Variants in SYNE1 observed in about 807,000 individuals in gnomAD.
The protein encoded by SYNE1 is nesprin-1.
A neutral mutation model predicts 1,111.0 loss-of-function variants in SYNE1; 616 were observed. The observed-to-expected ratio is 0.55, with a 90% CI of 0.52 to 0.59. The LOEUF (loss-of-function observed/expected upper bound fraction) is 0.59. SYNE1 is among the 20% of genes least tolerant of loss of function. The probability of loss-of-function intolerance (pLI) is 0.00; values close to 1 mark genes in which losing one functional copy is unlikely to be tolerated. For synonymous variants in SYNE1, 3,855 were observed against 3,825.8 expected, an observed-to-expected ratio of 1.01 and a Z score of -0.28; for missense variants, 10,006 against 10,417.0, an observed-to-expected ratio of 0.96 and a Z score of 1.72.
chr6:152,306,408 C>T (rs1737432387), intron 91 of SYNE1, among the ~76,000 whole-genome samples: 1 of 152,018 alleles, frequency 6.6e-6, no homozygotes, highest in South Asian at 2.1e-4. Flanking sequence ...ATCGCCTGAA[C>T]CCAGGAGGTG....
intron 32 of SYNE1, among the ~76,000 whole-genome samples, chr6:152,439,577 T>A (rs2098509028): frequency 6.6e-6 from 1 of 152,176 alleles, no homozygotes; most frequent in Non-Finnish European, 1.5e-5. Context: ...AAATGACTGA[T>A]GAATATCGTA....
At chr6:152,528,633 C>A (rs1346045556) in intron 4 of SYNE1, among the ~76,000 whole-genome samples, 1 of 152,170 alleles carries the variant, frequency 6.6e-6, no homozygotes, top group African/African-American at 2.4e-5. Flanking sequence ...GTTAGAGATG[C>A]AGATAATTTA....
chr6:152,458,717 T>A (rs1315186207), intron 22 of SYNE1, 40 bp downstream of exon 22: 2 of 1,605,810 alleles, frequency 1.2e-6, no homozygotes, highest in African/African-American at 2.7e-5. Flanking sequence ...TTGTTACACA[T>A]GCTTTAGAAT....
At chr6:152,623,443 C>T (rs2099679757) in intron 3 of SYNE1, among the ~76,000 whole-genome samples, 1 of 152,074 alleles carries the variant, frequency 6.6e-6, no homozygotes, top group African/African-American at 2.4e-5. Flanking sequence ...TGGGCAATAC[C>T]ATTCATGACA....
chr6:152,248,068 G>C (rs1264088746), intron 105 of SYNE1, among the ~76,000 whole-genome samples: 2 of 152,088 alleles, frequency 1.3e-5, no homozygotes, highest in Non-Finnish European at 2.9e-5. Flanking sequence ...CATCATGCCA[G>C]TTTGGGTTCT....
chr6:152,450,688 G>A lies in SYNE1; in HGVS notation c.3332C>T (p.Ala1111Val), dbSNP rs150561907. 3 of 1,613,986 alleles carry A rather than the reference G, an allele frequency of 1.9e-6. No homozygotes were observed. Among genetic ancestry groups the A allele is most frequent in the East Asian group, 2.2e-5 (1 of 44,880 alleles). ...CHVTLKELRA[A>V]IDSTYRKLME... is the part of the protein sequence containing the mutation. ...GAGCTTCCTGTAGGTGCTGTCAATG[G>A]CAGCTCTGAGCTCTTTGAGAGTCAC... Residue 1111 changes from alanine (A) to valine (V), a missense_variant, in exon 27 of 146, where the codon GCC (alanine) becomes GTC (valine). Physicochemically the swap from Ala to Val is moderately conservative, Grantham distance 64. Transcript: ENST00000367255.
chr6:152,412,893 C>T (rs560440890), intron 42 of SYNE1, among the ~76,000 whole-genome samples: 1 of 136,456 alleles, frequency 7.3e-6, no homozygotes, highest in Admixed American at 8.0e-5. Context: ...GCTCTGTCTT[C>T]CAGCCTGGAA....
chr6:152,547,479 G>A (rs985448385), intron 3 of SYNE1, among the ~76,000 whole-genome samples: 6 of 152,216 alleles, frequency 3.9e-5, no homozygotes, highest in African/African-American at 1.2e-4. Flanking sequence ...TTTCCTTGCA[G>A]AATGCTGAAA....
At chr6:152,426,056 A>G (rs1187053972) in intron 38 of SYNE1, among the ~76,000 whole-genome samples, 1 of 152,182 alleles carries the variant, frequency 6.6e-6, no homozygotes, top group Non-Finnish European at 1.5e-5. Flanking sequence ...AGGGCTCTTC[A>G]TTTTACTTTT....
chr6:152,237,206 C>T (rs2084338151), intron 108 of SYNE1, among the ~76,000 whole-genome samples: 1 of 152,018 alleles, frequency 6.6e-6, no homozygotes, highest in Non-Finnish European at 1.5e-5. Context: ...AACTCTGTAC[C>T]TCTTTTCCAT....
chr6:152,373,273 A>AT (rs2097219493), intron 58 of SYNE1, 54 bp from the exon 59 acceptor site: 4 of 1,504,970 alleles, frequency 2.7e-6, no homozygotes, highest in African/African-American at 2.9e-5. Context: ...TGTTGTTTCT[A>AT]TTTTTTCTTT....
At chr6:152,244,764 C>G in intron 105 of SYNE1, 108 bp from the exon 106 acceptor site, 1 of 1,364,492 alleles carries the variant, frequency 7.3e-7, no homozygotes, top group East Asian at 2.3e-5. Flanking sequence ...GTAAAACATT[C>G]TCAATATATA....
intron 128 of SYNE1, among the ~76,000 whole-genome samples, chr6:152,181,404 T>C (rs1156382070): frequency 1.3e-5 from 2 of 152,020 alleles, no homozygotes; most frequent in African/African-American, 4.8e-5. Flanking sequence ...AGAGCAAGAC[T>C]CCACCTCAAA....
chr6:152,240,541 T>G (rs1183374749), intron 107 of SYNE1, among the ~76,000 whole-genome samples: 1 of 152,230 alleles, frequency 6.6e-6, no homozygotes, highest in Non-Finnish European at 1.5e-5. Flanking sequence ...TAATAGACCC[T>G]GGAGAATGGA....
intron 38 of SYNE1, among the ~76,000 whole-genome samples, chr6:152,426,906 C>A (rs535775708): frequency 6.6e-6 from 1 of 152,156 alleles, no homozygotes; most frequent in African/African-American, 2.4e-5. Context: ...TTCAGAGAAG[C>A]GATTACAAAA....
intron 3 of SYNE1, among the ~76,000 whole-genome samples, chr6:152,568,847 T>C (rs1438726644): frequency 6.6e-6 from 1 of 152,202 alleles, no homozygotes; most frequent in Non-Finnish European, 1.5e-5. Context: ...GGACCAGCAA[T>C]TCACAAAATG....
At chr6:152,325,475 G>T (rs1431424659) in intron 80 of SYNE1, among the ~76,000 whole-genome samples, 173 bp from the exon 81 acceptor site, 1 of 152,178 alleles carries the variant, frequency 6.6e-6, no homozygotes, top group Non-Finnish European at 1.5e-5. Flanking sequence ...TAACCAGAGT[G>T]AGTCTTAAAG....
intron 12 of SYNE1, among the ~76,000 whole-genome samples, chr6:152,487,219 A>C (rs1479275718): frequency 6.6e-6 from 1 of 152,062 alleles, no homozygotes; most frequent in East Asian, 1.9e-4. Context: ...ACTCCCCCAC[A>C]GGCCCCAGTG....
intron 98 of SYNE1, among the ~76,000 whole-genome samples, chr6:152,269,773 T>C (rs1218744062): frequency 1.3e-5 from 2 of 152,178 alleles, no homozygotes; most frequent in African/African-American, 4.8e-5. Context: ...TTCCTAAAAA[T>C]TTTTCTAAAA....
Sources: allele counts gnomAD v4.1 joint callset (sites outside exome capture counted in the v4.1 genomes callset), GRCh38; gene constraint gnomAD v4.1.1; transcripts MANE v1.5; gene names NCBI Gene and HGNC (gene_info 2026-07-23, HGNC 2026-07-21).